The following SOX6 variants were observed in gnomAD, a reference collection of about 807,000 sequenced individuals.
The protein encoded by SOX6 is SRY-box transcription factor 6.
In SOX6, 11 loss-of-function variants were observed where a neutral mutation model predicts 97.8. The observed-to-expected ratio is 0.11, with a 90% CI of 0.07 to 0.19. The LOEUF (loss-of-function observed/expected upper bound fraction) is 0.19, where lower values mean the gene tolerates loss of function less well. Ranked by LOEUF, SOX6 falls within the 10% of genes least tolerant of loss-of-function variation. The pLI, the probability that SOX6 is intolerant of heterozygous loss-of-function variation, is 1.00. For synonymous variants in SOX6, 360 were observed against 371.4 expected (o/e 0.97, Z 0.35); for missense variants, 810 against 1,039.5 (o/e 0.78, Z 3.04).
intron 12 of SOX6, among the ~76,000 whole-genome samples, chr11:16,033,454 TC>T (rs1328376199): frequency 6.6e-6 from 1 of 152,178 alleles, no homozygotes; most frequent in African/African-American, 2.4e-5. Context: ...AGGCTCCTGT[TC>T]TTTATTTCAT....
intron 4 of SOX6, among the ~76,000 whole-genome samples, chr11:16,600,175 A>G (rs1182939981): frequency 6.6e-6 from 1 of 152,226 alleles, no homozygotes; most frequent in African/African-American, 2.4e-5. Flanking sequence ...AGTCCAAACC[A>G]CTGCATTTTA....
intron 4 of SOX6, among the ~76,000 whole-genome samples, chr11:16,489,976 C>T (rs1860485397): frequency 6.6e-6 from 1 of 152,030 alleles, no homozygotes; most frequent in Non-Finnish European, 1.5e-5. Flanking sequence ...CTCATCTCAC[C>T]TACCTTAAAA....
At chr11:16,213,961 C>T (rs1050615211) in intron 4 of SOX6, among the ~76,000 whole-genome samples, 2 of 152,096 alleles carry the variant, frequency 1.3e-5, no homozygotes, top group African/African-American at 2.4e-5. Flanking sequence ...AGCATTAGAA[C>T]TCCCCAAAAG....
rs117297799 is a variant in SOX6, at chr11:16,105,384, C to T, written c.898+6419G>A. 5.8e-4 allele frequency among the ~76,000 whole-genome samples: 88 copies of T among 152,088 alleles called. 1 individual carries two copies. In the East Asian group the frequency reaches 9.7e-3, roughly 17 times the overall value. On this transcript the variant is annotated intron_variant, in intron 7 of 15. Coordinates refer to ENST00000683767, the MANE Select transcript of SOX6 (RefSeq NM_001367873.1). ...AACTAGTAATAGAGGAAAAAGACCT[C>T]GGCATGATGAAACCTATTTATAAAA...
intron 3 of SOX6, among the ~76,000 whole-genome samples, chr11:16,285,000 G>A (rs561542464): frequency 2.0e-5 from 3 of 151,978 alleles, no homozygotes; most frequent in Non-Finnish European, 4.4e-5. Context: ...TACTTCAGTT[G>A]CAAATTAGAT....
intron 4 of SOX6, among the ~76,000 whole-genome samples, chr11:16,601,482 C>T (rs1253304767): frequency 6.6e-6 from 1 of 152,130 alleles, no homozygotes; most frequent in Non-Finnish European, 1.5e-5. Context: ...CTATTCTATA[C>T]TTTCATAGAA....
At chr11:16,157,167 C>G (rs1296332408) in intron 6 of SOX6, among the ~76,000 whole-genome samples, 1 of 152,010 alleles carries the variant, frequency 6.6e-6, no homozygotes, top group Non-Finnish European at 1.5e-5. Flanking sequence ...ATTTCCTCAA[C>G]ATCACACAAA....
intron 12 of SOX6, among the ~76,000 whole-genome samples, chr11:16,024,059 T>C (rs1855146895): frequency 6.6e-6 from 1 of 152,092 alleles, no homozygotes; most frequent in East Asian, 1.9e-4. Flanking sequence ...ATGAGGCTCT[T>C]AGGGTGGGTC....
At chr11:16,456,103 G>A (rs960656089) in intron 1 of SOX6, among the ~76,000 whole-genome samples, 4 of 152,148 alleles carry the variant, frequency 2.6e-5, no homozygotes, top group African/African-American at 9.6e-5. Context: ...ACATAGTCCA[G>A]GGGGCTATGA....
chr11:16,213,819 T>C (rs1590034713), intron 4 of SOX6, among the ~76,000 whole-genome samples: 1 of 152,196 alleles, frequency 6.6e-6, no homozygotes, highest in South Asian at 2.1e-4. Flanking sequence ...CTTCATTTAA[T>C]AGAATTCTTC....
chr11:16,599,391 C>G (rs943498001), intron 4 of SOX6, among the ~76,000 whole-genome samples: 1 of 152,146 alleles, frequency 6.6e-6, no homozygotes. Context: ...CAGCACAGGA[C>G]TACCAATTGT....
intron 4 of SOX6, among the ~76,000 whole-genome samples, chr11:16,201,622 A>T (rs867333135): frequency 2.9e-4 from 39 of 133,666 alleles, no homozygotes; most frequent in African/African-American, 8.3e-4. Flanking sequence ...TTTGCAAAGT[A>T]TTTTTTTTTT....
intron 1 of SOX6, among the ~76,000 whole-genome samples, chr11:16,401,060 A>G (rs542033262): frequency 4.0e-5 from 6 of 151,568 alleles, no homozygotes; most frequent in African/African-American, 1.5e-4. Context: ...GCATTTTTCA[A>G]TTATATACCA....
chr11:16,595,399 C>T (rs981255818), intron 4 of SOX6, among the ~76,000 whole-genome samples: 15 of 152,076 alleles, frequency 9.9e-5, no homozygotes, highest in Non-Finnish European at 2.1e-4. Context: ...TATTAAACAC[C>T]AGAGAGCTTC....
intron 4 of SOX6, among the ~76,000 whole-genome samples, chr11:16,508,487 A>T (rs755512430): frequency 5.3e-5 from 8 of 152,142 alleles, no homozygotes; most frequent in Non-Finnish European, 8.8e-5. Flanking sequence ...TACACAATGG[A>T]ATACTATTTG....
chr11:16,579,038 A>C (rs1273772619), intron 4 of SOX6, among the ~76,000 whole-genome samples: 1 of 152,086 alleles, frequency 6.6e-6, no homozygotes, highest in Non-Finnish European at 1.5e-5. Context: ...TGATTCTATT[A>C]TCCCAAAATC....
intron 4 of SOX6, among the ~76,000 whole-genome samples, chr11:16,518,907 T>C (rs1861015057): frequency 6.6e-6 from 1 of 152,130 alleles, no homozygotes; most frequent in Admixed American, 6.6e-5. Flanking sequence ...TTTCTCAAAC[T>C]CAATTCATGA....
intron 12 of SOX6, among the ~76,000 whole-genome samples, chr11:16,036,682 A>C (rs1855528074): frequency 6.6e-6 from 1 of 152,190 alleles, no homozygotes; most frequent in African/African-American, 2.4e-5. Flanking sequence ...AACATCCATG[A>C]AATGGGATGT....
intron 4 of SOX6, among the ~76,000 whole-genome samples, chr11:16,542,274 T>C (rs1193287756): frequency 3.3e-5 from 5 of 151,986 alleles, no homozygotes; most frequent in African/African-American, 1.2e-4. Context: ...TGAGAACACA[T>C]GGACACAGGG....
Sources: gnomAD v4.1 joint callset for allele counts (sites outside exome capture counted in the v4.1 genomes callset) on GRCh38, gnomAD v4.1.1 for gene constraint, MANE v1.5 for transcripts, NCBI Gene and HGNC (gene_info 2026-07-23, HGNC 2026-07-21) for gene names.